Variants in FTO observed in about 807,000 individuals in gnomAD.
The protein encoded by FTO is FTO alpha-ketoglutarate dependent dioxygenase, also known as alpha-ketoglutarate-dependent dioxygenase FTO.
FTO carries 47 observed loss-of-function variants against 63.9 expected under a neutral mutation model. The ratio of observed to expected loss-of-function variants is 0.74; its 90% CI spans 0.58 to 0.94. The LOEUF is 0.94. Among genes scored for constraint, FTO ranks in the 40% least tolerant of loss-of-function variants. The probability of loss-of-function intolerance (pLI) is 0.00; values close to 1 mark genes in which losing one functional copy is unlikely to be tolerated. For missense variants in FTO, 562 were observed against 618.1 expected (o/e 0.91, Z 0.96); for synonymous variants, 207 against 224.4 (o/e 0.92, Z 0.69).
intron 7 of FTO, among the ~76,000 whole-genome samples, chr16:53,917,510 C>T (rs1390122923): frequency 6.6e-6 from 1 of 152,062 alleles, no homozygotes; most frequent in Non-Finnish European, 1.5e-5. Flanking sequence ...GGGCTTGGCA[C>T]ACGGTAAGTG....
At position 53,957,206 on chromosome 16, in the gene FTO, T is replaced by C. The variant is rs149277494; in HGVS notation, c.1364+23097T>C. ...TGTAAACAGATGCAAGCATTGTTGC[T>C]AATGACAGGTGATTATAAGAGGCAT... On this transcript the variant is annotated intron_variant, in intron 8 of 8. Transcript: ENST00000471389. 2.1e-3 allele frequency among the ~76,000 whole-genome samples: 325 copies of C among 152,314 alleles called. 1 individual carries two copies. Among genetic ancestry groups the C allele is most frequent in the African/African-American group, 7.3e-3 (305 of 41,570 alleles).
chr16:53,946,952 C>G (rs771566279), intron 8 of FTO, among the ~76,000 whole-genome samples: 1 of 152,176 alleles, frequency 6.6e-6, no homozygotes, highest in Non-Finnish European at 1.5e-5. Context: ...TTGGTGCTAC[C>G]CTCCCAGTGT....
intron 8 of FTO, among the ~76,000 whole-genome samples, chr16:54,015,839 C>G (rs2084432224): frequency 6.6e-6 from 1 of 152,180 alleles, no homozygotes; most frequent in Admixed American, 6.6e-5. Flanking sequence ...CAGCCTCCAG[C>G]AAACACAGGA....
intron 7 of FTO, among the ~76,000 whole-genome samples, chr16:53,933,150 T>C (rs2082319303): frequency 6.6e-6 from 1 of 152,018 alleles, no homozygotes; most frequent in Non-Finnish European, 1.5e-5. Flanking sequence ...AGTAAGGGAG[T>C]AGTGTTTCAA....
In FTO at chr16:53,705,758, A is replaced by C. The variant is rs542472042; in HGVS notation, c.45+1529A>C. On this transcript the variant is annotated intron_variant, in intron 1 of 8. Coordinates refer to ENST00000471389, the MANE Select transcript of FTO (RefSeq NM_001080432.3). ...TACACAGTGCAAAGAAACAAATGTC[A>C]CCTCATGGTGTTGTGCATGATGTCT... Among the ~76,000 whole-genome samples the C allele has an allele frequency of 3.3e-5, 5 of 152,246 alleles. No individual in the cohort carries two copies. In the South Asian group the frequency reaches 1.0e-3, roughly 32 times the overall value.
chr16:53,809,446 C>A (rs558730338), intron 1 of FTO, among the ~76,000 whole-genome samples: 2 of 152,064 alleles, frequency 1.3e-5, no homozygotes, highest in Non-Finnish European at 2.9e-5. Flanking sequence ...AAAGGATTTA[C>A]AAGCTACTAT....
intron 8 of FTO, among the ~76,000 whole-genome samples, chr16:54,023,633 C>G (rs1282055331): frequency 6.6e-6 from 1 of 152,212 alleles, no homozygotes. Flanking sequence ...CGTTAATCTA[C>G]AGTGAAGGGG....
chr16:53,945,979 C>T (rs185056385), intron 8 of FTO, among the ~76,000 whole-genome samples: 14 of 152,252 alleles, frequency 9.2e-5, no homozygotes, highest in African/African-American at 2.9e-4. Context: ...TTTATTCTAT[C>T]TCAGGGGTAT....
rs148508872 is a variant in FTO at position 53,822,157 on chromosome 16, C to G, written c.124-3707C>G. 3.7e-3 allele frequency among the ~76,000 whole-genome samples: 567 copies of G among 152,296 alleles called. 1 individual carries two copies. The highest frequency in any genetic ancestry group is 6.1e-3 in the Non-Finnish European group (414 of 68,018). The stretch of plus-strand genomic sequence containing the variant: ...ATCCAGAACTATTTGGCAAACAGCT[C>G]TAATGACCAGCATACATTCTTAGCT... On this transcript the variant is annotated intron_variant, in intron 2 of 8. Transcript: ENST00000471389.
chr16:53,780,622 G>A (rs1040933174), intron 1 of FTO, among the ~76,000 whole-genome samples: 5 of 151,910 alleles, frequency 3.3e-5, no homozygotes, highest in African/African-American at 1.2e-4. Context: ...CACCCACCTC[G>A]GCCTCCCAAA....
intron 8 of FTO, among the ~76,000 whole-genome samples, chr16:54,065,584 A>C (rs982617570): frequency 2.6e-5 from 4 of 152,224 alleles, no homozygotes; most frequent in Admixed American, 2.0e-4. Flanking sequence ...GAACTTCCTC[A>C]GTCTTACCAC....
At chr16:53,704,075 A>G, upstream of FTO, 1 of 1,137,794 alleles carries the variant, frequency 8.8e-7, no homozygotes, top group Non-Finnish European at 1.3e-6. Flanking sequence ...ACTCAGAGGG[A>G]GAATAGCTCC....
intron 1 of FTO, among the ~76,000 whole-genome samples, chr16:53,716,756 CATA>C (rs891568627): frequency 3.0e-4 from 46 of 151,300 alleles, no homozygotes; most frequent in African/African-American, 1.1e-3. Flanking sequence ...TTTCTGATTA[CATA>C]ATAATTTTTT....
In FTO at chr16:53,745,101, T is replaced by G. The variant is rs570857228; in HGVS notation, c.45+40872T>G. 1.6e-4 allele frequency among the ~76,000 whole-genome samples: 24 copies of G among 152,340 alleles called. No individual in the cohort carries two copies. In the South Asian group the frequency reaches 3.1e-3, roughly 20 times the overall value. ...GATATTTTTAAAGGAAAGCAAATAT[T>G]GCCAAACAATCTGGTTTGGTTTAAC... is the stretch of plus-strand genomic sequence containing the variant. On this transcript the variant is annotated intron_variant, in intron 1 of 8. Transcript: ENST00000471389.
At chr16:53,783,604 T>TCTC (rs2077645991) in intron 1 of FTO, among the ~76,000 whole-genome samples, 1 of 68,146 alleles carries the variant, frequency 1.5e-5, no homozygotes, top group African/African-American at 5.9e-5. Flanking sequence ...CAAGACTCCA[T>TCTC]AAAAAAAAAA....
intron 7 of FTO, among the ~76,000 whole-genome samples, chr16:53,928,947 G>A (rs527623807): frequency 3.3e-5 from 5 of 152,084 alleles, no homozygotes; most frequent in Admixed American, 3.3e-4. Context: ...GGGTTCAAGC[G>A]ATTCTCCTGC....
intron 8 of FTO, among the ~76,000 whole-genome samples, chr16:54,081,240 G>A (rs1222358559): frequency 2.6e-5 from 4 of 152,148 alleles, no homozygotes; most frequent in South Asian, 2.1e-4. Flanking sequence ...AAAGTGATAC[G>A]AGAACAGGGG....
chr16:53,814,756 GT>G (rs2078626801), intron 2 of FTO: 2 of 152,218 alleles, frequency 1.3e-5, no homozygotes, highest in Non-Finnish European at 2.9e-5. Flanking sequence ...CTACCTGAAA[GT>G]CTTCCAGCTA....
chr16:53,940,444 C>T (rs573440412), intron 8 of FTO, among the ~76,000 whole-genome samples: 2 of 152,312 alleles, frequency 1.3e-5, no homozygotes, highest in African/African-American at 4.8e-5. Flanking sequence ...TTACCATGGT[C>T]AGGCCTGGCT....
Sources: allele counts gnomAD v4.1 joint callset (sites outside exome capture counted in the v4.1 genomes callset), GRCh38; gene constraint gnomAD v4.1.1; transcripts MANE v1.5; gene names NCBI Gene and HGNC (gene_info 2026-07-23, HGNC 2026-07-21).